Variants in PHF24 observed in about 807,000 individuals in gnomAD.
The protein encoded by PHF24 is PHD finger protein 24.
A neutral mutation model predicts 42.6 loss-of-function variants in PHF24; 25 were observed. The ratio of observed to expected loss-of-function variants is 0.59; its 90% CI spans 0.43 to 0.82. The LOEUF (loss-of-function observed/expected upper bound fraction) is 0.82, where lower values mean the gene tolerates loss of function less well. PHF24 is among the 40% of genes least tolerant of loss of function. The pLI is 0.00. For synonymous variants in PHF24, 185 were observed against 204.8 expected (o/e 0.90, Z 0.83); for missense variants, 470 against 538.1 (o/e 0.87, Z 1.25).
exon 4 of PHF24, chr9:34,976,214 G>A (rs1472255216): frequency 6.2e-7 from 1 of 1,614,024 alleles, no homozygotes; most frequent in South Asian, 1.1e-5. Context: ...CCTTTCAGCG[G>A]TGTAAAGTCA....
the PHF24 span, chr9:34,837,444 T>C: frequency 7.7e-6 from 4 of 517,090 alleles, no homozygotes; most frequent in Non-Finnish European, 1.4e-5. Flanking sequence ...ATCTGCACTA[T>C]TTCCTCAATT....
the PHF24 span, among the ~76,000 whole-genome samples, chr9:34,921,908 T>C: frequency 1.3e-5 from 2 of 152,222 alleles, no homozygotes; most frequent in African/African-American, 4.8e-5. Context: ...AAAGCCACAA[T>C]GTACCAAAAG....
the PHF24 span, among the ~76,000 whole-genome samples, chr9:34,777,655 A>G: frequency 4.6e-5 from 7 of 152,314 alleles, no homozygotes; most frequent in Non-Finnish European, 8.8e-5. Flanking sequence ...CTCAGTCCCA[A>G]TGGAAGTATC....
the PHF24 span, chr9:34,832,741 A>C: frequency 4.6e-5 from 71 of 1,549,248 alleles, no homozygotes; most frequent in East Asian, 2.4e-4. Flanking sequence ...AAAACTTGGC[A>C]TTGCAAAGTT....
At chr9:34,776,994 G>T in the PHF24 span, among the ~76,000 whole-genome samples, 1 of 152,220 alleles carries the variant, frequency 6.6e-6, no homozygotes, top group African/African-American at 2.4e-5. Flanking sequence ...CAGCATCAGT[G>T]GTATCTGTAA....
At chr9:34,780,296 TTC>T in the PHF24 span, among the ~76,000 whole-genome samples, 385 of 89,880 alleles carry the variant, frequency 4.3e-3, 32 homozygotes, top group Non-Finnish European at 6.0e-3. Flanking sequence ...TTTTCTTTTT[TTC>T]TTTTTTTTTT....
intron 1 of PHF24, among the ~76,000 whole-genome samples, chr9:34,968,900 G>A (rs144962042): frequency 6.4e-4 from 98 of 152,330 alleles, no homozygotes; most frequent in African/African-American, 1.8e-3. Flanking sequence ...AATGATGAAG[G>A]TAAGTGCCCA....
the PHF24 span, among the ~76,000 whole-genome samples, chr9:34,805,072 G>A: frequency 6.6e-6 from 1 of 152,140 alleles, no homozygotes; most frequent in Non-Finnish European, 1.5e-5. Flanking sequence ...ATATTCCATT[G>A]TATGGATATA....
the PHF24 span, among the ~76,000 whole-genome samples, chr9:34,920,615 G>A: frequency 6.6e-6 from 1 of 152,142 alleles, no homozygotes; most frequent in Non-Finnish European, 1.5e-5. Context: ...TATCAATATT[G>A]ATTTTTCCAA....
chr9:34,680,687 C>CAAAAA, the PHF24 span, among the ~76,000 whole-genome samples: 2 of 124,622 alleles, frequency 1.6e-5, no homozygotes, highest in Non-Finnish European at 3.4e-5. Flanking sequence ...GACTCCGTCT[C>CAAAAA]AAAAAAAAAA....
chr9:34,937,742 A>G, the PHF24 span, among the ~76,000 whole-genome samples: 2 of 152,236 alleles, frequency 1.3e-5, no homozygotes, highest in South Asian at 4.1e-4. Flanking sequence ...GAGGCCAACC[A>G]AGGGCCAGGA....
the PHF24 span, among the ~76,000 whole-genome samples, chr9:34,688,349 C>T: frequency 6.6e-6 from 1 of 152,168 alleles, no homozygotes; most frequent in Non-Finnish European, 1.5e-5. Context: ...GCCTGCTTCC[C>T]CAGGAGACTT....
chr9:34,778,204 A>G, the PHF24 span, among the ~76,000 whole-genome samples: 1 of 152,204 alleles, frequency 6.6e-6, no homozygotes, highest in Admixed American at 6.5e-5. Flanking sequence ...GTAAGGAGGA[A>G]CAGAAGAATA....
At chr9:34,942,014 T>A in the PHF24 span, among the ~76,000 whole-genome samples, 123 of 152,330 alleles carry the variant, frequency 8.1e-4, no homozygotes, top group Non-Finnish European at 1.5e-3. Context: ...TGGTCTCTAT[T>A]GCTGATAGCT....
chr9:34,851,596 G>A, the PHF24 span, among the ~76,000 whole-genome samples: 1 of 152,290 alleles, frequency 6.6e-6, no homozygotes, highest in African/African-American at 2.4e-5. Flanking sequence ...CGCACACAGT[G>A]CGCTGCACCC....
At chr9:34,828,954 T>A in the PHF24 span, among the ~76,000 whole-genome samples, 5 of 152,214 alleles carry the variant, frequency 3.3e-5, no homozygotes, top group African/African-American at 1.2e-4. Flanking sequence ...TCTATGTCTG[T>A]CTGTCATCTG....
the PHF24 span, among the ~76,000 whole-genome samples, chr9:34,774,077 T>C: frequency 6.6e-6 from 1 of 152,200 alleles, no homozygotes; most frequent in African/African-American, 2.4e-5. Context: ...CTTTAGCTTA[T>C]ACCATACACA....
the PHF24 span, among the ~76,000 whole-genome samples, chr9:34,673,216 C>T: frequency 3.3e-5 from 5 of 151,686 alleles, no homozygotes; most frequent in South Asian, 4.2e-4. Flanking sequence ...ATTAGCCAGT[C>T]GTGGTGGCAT....
intron 1 of PHF24, among the ~76,000 whole-genome samples, chr9:34,966,187 A>G (rs1258985380): frequency 3.9e-5 from 6 of 152,198 alleles, no homozygotes; most frequent in African/African-American, 1.4e-4. Flanking sequence ...CTTGAAACTC[A>G]CTTATTTCTC....
Sources: allele counts gnomAD v4.1 joint callset (sites outside exome capture counted in the v4.1 genomes callset), GRCh38; gene constraint gnomAD v4.1.1; transcripts MANE v1.5; gene names NCBI Gene and HGNC (gene_info 2026-07-23, HGNC 2026-07-21).